Variants in SFSWAP observed in about 807,000 individuals in gnomAD.
The protein encoded by SFSWAP is splicing factor, suppressor of white-apricot homolog.
SFSWAP carries 17 observed loss-of-function variants against 100.7 expected under a neutral mutation model. That is an observed-to-expected ratio of 0.17 (90% CI 0.12 to 0.25). The LOEUF (loss-of-function observed/expected upper bound fraction) is 0.25, where lower values mean the gene tolerates loss of function less well. SFSWAP is among the 10% of genes least tolerant of loss of function. The probability of loss-of-function intolerance (pLI) is 1.00; values close to 1 mark genes in which losing one functional copy is unlikely to be tolerated. For missense variants in SFSWAP, 1,005 were observed against 1,262.6 expected, an observed-to-expected ratio of 0.80 and a Z score of 3.09; for synonymous variants, 504 against 510.1, an observed-to-expected ratio of 0.99 and a Z score of 0.16.
chr12:131,763,543 TAAGCCTTCTGG>T (rs1882850704), intron 11 of SFSWAP, among the ~76,000 whole-genome samples: 1 of 152,324 alleles, frequency 6.6e-6, no homozygotes, highest in African/African-American at 2.4e-5. Context: ...CCCTTAAATT[TAAGCCTTCTGG>T]ATATTCTAAG....
chr12:131,784,909 A>G (rs1176324533), intron 14 of SFSWAP: 1 of 485,414 alleles, frequency 2.1e-6, no homozygotes, highest in Admixed American at 4.0e-5. Context: ...AGGCCTTAAA[A>G]ACTAACTTAT....
At chr12:131,740,027 G>A (rs1464610481) in intron 7 of SFSWAP, among the ~76,000 whole-genome samples, 1 of 152,172 alleles carries the variant, frequency 6.6e-6, no homozygotes, top group East Asian at 1.9e-4. Flanking sequence ...TGACCTTTAT[G>A]TGAACAGGAC....
intron 11 of SFSWAP, 99 bp from the exon 12 acceptor site, chr12:131,764,357 G>A (rs913849819): frequency 2.2e-6 from 2 of 902,552 alleles, no homozygotes; most frequent in Admixed American, 4.2e-5. Flanking sequence ...CTCCATGCTA[G>A]TCATCCCCTT....
intron 14 of SFSWAP, chr12:131,783,448 T>C (rs1283443461): frequency 6.6e-6 from 1 of 152,146 alleles, no homozygotes; most frequent in Non-Finnish European, 1.5e-5. Flanking sequence ...GATAGATCTT[T>C]GAATGTTGTC....
intron 13 of SFSWAP, among the ~76,000 whole-genome samples, chr12:131,771,049 G>T (rs1311358965): frequency 6.6e-6 from 1 of 152,198 alleles, no homozygotes; most frequent in African/African-American, 2.4e-5. Context: ...GTGCTCGGTC[G>T]TGTGCATCTA....
rs529731268 is a variant in SFSWAP, at chr12:131,794,602, A to C, written c.2535-2576A>C. The stretch of plus-strand genomic sequence containing the variant: ...CAGACATAGCGTGGGGTTTGTCTAC[A>C]TAGAGCTTTAAGCTGTGTCCTAGAA... On this transcript the variant is annotated intron_variant, in intron 15 of 17. Coordinates refer to ENST00000261674, the MANE Select transcript of SFSWAP (RefSeq NM_004592.4). This position sits in a 1 kb window ranked among gnomAD's most constrained non-coding sequence, Gnocchi z 4.8. Among the ~76,000 whole-genome samples the C allele has an allele frequency of 7.4e-4, 113 of 152,306 alleles. 3 individuals carry two copies. In the South Asian group the frequency reaches 0.023, roughly 31 times the overall value.
Position 131,797,213 on chromosome 12 carries a change from G to A in SFSWAP, c.2570G>A (p.Arg857Gln), listed in dbSNP as rs373461589. ...PHEKKKKRRS[R>Q]SRTKSKARSQ... ...GAGAAGAAGAAGAAGAGGCGGTCCC[G>A]GTCGCGGACCAAGTCCAAGGCCAGG... The change falls in exon 16 of 18, where the codon CGG (arginine) becomes CAG (glutamine). Residue 857 changes from arginine (R) to glutamine (Q), a missense_variant. This residue lies in a region of SFSWAP where 295 missense variants were observed against 347.9 expected (regional missense o/e 0.85). Coordinates refer to ENST00000261674, the MANE Select transcript of SFSWAP (RefSeq NM_004592.4). 9.3e-6 allele frequency: 15 copies of A among 1,611,512 alleles called. No homozygotes were observed. The highest frequency in any genetic ancestry group is 1.2e-5 in the Non-Finnish European group (14 of 1,179,774).
intron 13 of SFSWAP, among the ~76,000 whole-genome samples, chr12:131,771,491 A>T (rs759647371): frequency 4.7e-4 from 72 of 152,108 alleles, no homozygotes; most frequent in South Asian, 1.2e-3. Flanking sequence ...TGACCTCTGA[A>T]GGGACCGTAG....
At chr12:131,774,825 T>A (rs1359322124) in intron 13 of SFSWAP, among the ~76,000 whole-genome samples, 2 of 152,202 alleles carry the variant, frequency 1.3e-5, no homozygotes, top group Non-Finnish European at 2.9e-5. Context: ...TTGAAAGTGT[T>A]GATTCAGATT....
chr12:131,736,302 G>A (rs1418180334), intron 7 of SFSWAP, among the ~76,000 whole-genome samples: 40 of 152,194 alleles, frequency 2.6e-4, no homozygotes, highest in Admixed American at 2.4e-3. Flanking sequence ...ACTTCCAGAT[G>A]TAAATGCCAG....
At chr12:131,715,159 T>G (rs185983293) in intron 3 of SFSWAP, among the ~76,000 whole-genome samples, 7 of 152,338 alleles carry the variant, frequency 4.6e-5, no homozygotes, top group Non-Finnish European at 7.3e-5. Flanking sequence ...AGTGAATGCG[T>G]TGGATTATTT....
intron 14 of SFSWAP, among the ~76,000 whole-genome samples, chr12:131,782,364 T>G (rs1884566429): frequency 6.6e-6 from 1 of 151,952 alleles, no homozygotes; most frequent in Non-Finnish European, 1.5e-5. Context: ...ATGGGAGGGG[T>G]GGTGATCTCC....
intron 7 of SFSWAP, among the ~76,000 whole-genome samples, chr12:131,732,608 C>T (rs532876970): frequency 3.2e-4 from 48 of 152,354 alleles, no homozygotes; most frequent in African/African-American, 1.1e-3. Context: ...CGGCTTGCTC[C>T]TCGTCTCCGC....
intron 4 of SFSWAP, among the ~76,000 whole-genome samples, chr12:131,722,328 A>G (rs925628195): frequency 6.6e-6 from 1 of 152,150 alleles, no homozygotes; most frequent in African/African-American, 2.4e-5. Context: ...TTGGGAGACT[A>G]AGGTTGGAGG....
chr12:131,751,777 A>G (rs1403979831), intron 7 of SFSWAP, among the ~76,000 whole-genome samples: 2 of 152,276 alleles, frequency 1.3e-5, no homozygotes, highest in Non-Finnish European at 2.9e-5. Context: ...CAGGAGCCTC[A>G]GAGACGGTGC....
At position 131,778,020 on chromosome 12, in the gene SFSWAP, G is replaced by A; in HGVS notation, c.2143-45G>A. ...AATTTTATAGATATACATCTTCAATGTTCTGTTTTCCCTGTTAACACCCAG... is the reference window on the plus strand; with the variant it reads ...AATTTTATAGATATACATCTTCAATATTCTGTTTTCCCTGTTAACACCCAG... On this transcript the variant is annotated intron_variant, in intron 13 of 17. Transcript: ENST00000261674. The surrounding 1 kb of genome is among the most constrained non-coding windows in gnomAD (Gnocchi z 4.2). The A allele has an allele frequency of 5.1e-6, 8 of 1,576,608 alleles. No homozygotes were observed. The highest frequency in any genetic ancestry group is 6.0e-6 in the Non-Finnish European group (7 of 1,167,382).
chr12:131,711,281 A>C lies in SFSWAP; in HGVS notation c.52A>C (p.Lys18Gln). 1 of 1,612,524 alleles carries C rather than the reference A, an allele frequency of 6.2e-7. No individual in the cohort carries two copies. The highest frequency in any genetic ancestry group is 8.5e-7 in the Non-Finnish European group (1 of 1,179,588). The change falls in exon 1 of 18, where the codon AAG (lysine) becomes CAG (glutamine). Residue 18 changes from lysine to glutamine, a missense_variant. Transcript: ENST00000261674. The surrounding 1 kb of genome is among the most constrained non-coding windows in gnomAD (Gnocchi z 4.9). ...RAKPERKSGA[K>Q]EEAGPGGAGG... ...CAAACCCGAGAGGAAAAGCGGCGCGAAGGAGGAGGCCGGGCCAGGCGGTGC... is the reference window on the plus strand; with the variant it reads ...CAAACCCGAGAGGAAAAGCGGCGCGCAGGAGGAGGCCGGGCCAGGCGGTGC...
intron 1 of SFSWAP, chr12:131,712,132 T>G (rs1213719100): frequency 6.6e-6 from 1 of 152,534 alleles, no homozygotes; most frequent in Non-Finnish European, 1.5e-5. Context: ...TTGGAAGAGA[T>G]AGTGTTCTTA....
chr12:131,798,238 A>C (rs1210516270), intron 16 of SFSWAP, among the ~76,000 whole-genome samples: 1 of 152,130 alleles, frequency 6.6e-6, no homozygotes, highest in Non-Finnish European at 1.5e-5. Context: ...CAGGAGGTGG[A>C]GGCTGCTGTG....
Sources: gnomAD v4.1 joint callset for allele counts (sites outside exome capture counted in the v4.1 genomes callset) on GRCh38, gnomAD v4.1.1 for gene constraint, gnomAD v4.1.1 regional missense constraint, Gnocchi (gnomAD v3.1) non-coding constraint, MANE v1.5 for transcripts, NCBI Gene and HGNC (gene_info 2026-07-23, HGNC 2026-07-21) for gene names.